Variants in RBFOX1 observed in about 807,000 individuals in gnomAD.
RBFOX1 encodes the protein RNA binding fox-1 homolog 1.
Under a neutral mutation model 57.7 loss-of-function variants are expected in RBFOX1, and 8 were observed. That is an observed-to-expected ratio of 0.14 (90% CI 0.08 to 0.25). The LOEUF (loss-of-function observed/expected upper bound fraction) is 0.25. RBFOX1 is among the 10% of genes least tolerant of loss of function. RBFOX1 has a pLI of 1.00. For missense variants in RBFOX1, 611 were observed against 548.5 expected, an observed-to-expected ratio of 1.11 and a Z score of -1.14; for synonymous variants, 326 against 222.4, an observed-to-expected ratio of 1.47 and a Z score of -4.15.
chr16:5,483,226 TC>T (rs1227991298), intron 2 of RBFOX1, among the ~76,000 whole-genome samples: 1 of 152,214 alleles, frequency 6.6e-6, no homozygotes, highest in Non-Finnish European at 1.5e-5. Flanking sequence ...AGCCACTTTT[TC>T]TTCTGCAGTT....
chr16:5,767,452 A>G (rs1378367846), intron 3 of RBFOX1, among the ~76,000 whole-genome samples: 2 of 152,136 alleles, frequency 1.3e-5, no homozygotes, highest in Admixed American at 6.5e-5. Flanking sequence ...AGGTGGGTGA[A>G]TACCTGAAGG....
chr16:5,443,542 G>C (rs1353893377), intron 1 of RBFOX1, among the ~76,000 whole-genome samples: 2 of 152,136 alleles, frequency 1.3e-5, no homozygotes, highest in East Asian at 3.9e-4. Context: ...GTTTCCCTGT[G>C]TTGGCCAGGC....
At chr16:7,518,927 G>T (rs752349964) in intron 5 of RBFOX1, among the ~76,000 whole-genome samples, 9 of 152,174 alleles carry the variant, frequency 5.9e-5, no homozygotes, top group Non-Finnish European at 1.2e-4. Flanking sequence ...GGAGACTGAG[G>T]TGGGAGGATG....
chr16:6,070,467 G>A (rs62017375), intron 1 of RBFOX1, among the ~76,000 whole-genome samples: 47,619 of 151,976 alleles, frequency 0.31, 8,819 homozygotes, highest in Non-Finnish European at 0.42. Flanking sequence ...CCAAACTTTC[G>A]TGGTTGCTAG....
chr16:5,565,683 T>C (rs918237599), intron 2 of RBFOX1, among the ~76,000 whole-genome samples: 13 of 150,554 alleles, frequency 8.6e-5, no homozygotes, highest in African/African-American at 3.2e-4. Flanking sequence ...TTGCAAGTCG[T>C]TTTCCCTCTT....
At chr16:6,966,380 G>A (rs2084162103) in intron 3 of RBFOX1, among the ~76,000 whole-genome samples, 2 of 152,122 alleles carry the variant, frequency 1.3e-5, no homozygotes, top group South Asian at 4.1e-4. Flanking sequence ...ATAAGTCATG[G>A]CAGGACAGCC....
chr16:5,361,546 A>G (rs1336112796), intron 1 of RBFOX1, among the ~76,000 whole-genome samples: 1 of 152,222 alleles, frequency 6.6e-6, no homozygotes, highest in Non-Finnish European at 1.5e-5. Context: ...AAGATATAAA[A>G]TTGTGAGGCC....
chr16:6,974,923 C>G (rs141770477), intron 3 of RBFOX1, among the ~76,000 whole-genome samples: 125 of 152,250 alleles, frequency 8.2e-4, no homozygotes, highest in African/African-American at 2.8e-3. Flanking sequence ...TGGACCCTCC[C>G]TCTTTTAAAA....
At chr16:6,139,683 C>T (rs1465095352) in intron 1 of RBFOX1, among the ~76,000 whole-genome samples, 1 of 152,186 alleles carries the variant, frequency 6.6e-6, no homozygotes, top group Admixed American at 6.5e-5. Context: ...CTTGGCCATG[C>T]CATCTTTTCT....
intron 1 of RBFOX1, among the ~76,000 whole-genome samples, chr16:5,255,273 A>T (rs1310260804): frequency 1.3e-5 from 2 of 151,476 alleles, no homozygotes. Context: ...ACCCCGGATA[A>T]ATGCTCAAGT....
intron 2 of RBFOX1, among the ~76,000 whole-genome samples, chr16:5,483,088 C>T (rs1248516668): frequency 1.3e-5 from 2 of 152,098 alleles, no homozygotes; most frequent in East Asian, 1.9e-4. Context: ...AAGTCTGTAG[C>T]CCTGAGTAGG....
In RBFOX1 at chr16:5,689,402, G is replaced by T. The variant is rs998934982; in HGVS notation, c.318+90441G>T. 2.0e-5 allele frequency among the ~76,000 whole-genome samples: 3 copies of T among 152,300 alleles called. No individual in the cohort carries two copies. In the East Asian group the frequency reaches 5.8e-4, roughly 29 times the overall value. On this transcript the variant is annotated intron_variant, in intron 3 of 19. Transcript: ENST00000641259. The stretch of plus-strand genomic sequence containing the variant: ...GAAGCAATTGGTAAATGGTAACTAT[G>T]ATTGTGGGAGTTGTAAATTTGGTGA...
At chr16:6,368,672 C>T (rs763513295) in intron 2 of RBFOX1, among the ~76,000 whole-genome samples, 2 of 152,182 alleles carry the variant, frequency 1.3e-5, no homozygotes, top group Non-Finnish European at 2.9e-5. Context: ...TGTCATATGT[C>T]ATAGGTTCAT....
intron 3 of RBFOX1, among the ~76,000 whole-genome samples, chr16:5,705,830 A>T (rs1301277316): frequency 6.6e-6 from 1 of 152,248 alleles, no homozygotes; most frequent in East Asian, 1.9e-4. Context: ...TCATATCCGT[A>T]GTGGCTAGAA....
chr16:5,806,453 C>T (rs1055624771), intron 3 of RBFOX1, among the ~76,000 whole-genome samples: 1 of 152,148 alleles, frequency 6.6e-6, no homozygotes, highest in Non-Finnish European at 1.5e-5. Context: ...TTGCCTCCAG[C>T]CCTGTTACAA....
chr16:7,430,082 A>T (rs912794370), intron 4 of RBFOX1, among the ~76,000 whole-genome samples: 2 of 152,212 alleles, frequency 1.3e-5, no homozygotes, highest in African/African-American at 4.8e-5. Flanking sequence ...AATTGGCGGA[A>T]TGAATTGATT....
intron 1 of RBFOX1, among the ~76,000 whole-genome samples, chr16:6,247,251 C>T (rs190709390): frequency 9.9e-5 from 15 of 152,256 alleles, no homozygotes; most frequent in Non-Finnish European, 1.6e-4. Flanking sequence ...TCTTGCTGGA[C>T]GTGTAATAGT....
intron 2 of RBFOX1, among the ~76,000 whole-genome samples, chr16:6,524,741 C>G (rs1203552271): frequency 6.6e-6 from 1 of 152,152 alleles, no homozygotes; most frequent in Non-Finnish European, 1.5e-5. Flanking sequence ...CCTGGCTTGT[C>G]CACAGCCTCC....
chr16:5,887,938 A>G (rs1428733942), intron 4 of RBFOX1, among the ~76,000 whole-genome samples: 2 of 152,202 alleles, frequency 1.3e-5, no homozygotes, highest in Non-Finnish European at 2.9e-5. Context: ...ACAACAGGGC[A>G]AGGACCACAC....
Sources: allele counts gnomAD v4.1 joint callset (sites outside exome capture counted in the v4.1 genomes callset), GRCh38; gene constraint gnomAD v4.1.1; transcripts MANE v1.5; gene names NCBI Gene and HGNC (gene_info 2026-07-23, HGNC 2026-07-21).